The following SLC38A9 variants were observed in gnomAD, a reference collection of about 807,000 sequenced individuals.
The protein encoded by SLC38A9 is neutral amino acid transporter 9.
A neutral mutation model predicts 62.3 loss-of-function variants in SLC38A9; 48 were observed. That is an observed-to-expected ratio of 0.77 (90% CI 0.61 to 0.98). The LOEUF (loss-of-function observed/expected upper bound fraction) is 0.98, where lower values mean the gene tolerates loss of function less well. Among genes scored for constraint, SLC38A9 ranks in the 50% least tolerant of loss-of-function variants. SLC38A9 has a pLI of 0.00. For missense variants in SLC38A9, 541 were observed against 679.8 expected, an observed-to-expected ratio of 0.80 and a Z score of 2.27; for synonymous variants, 204 against 227.7, an observed-to-expected ratio of 0.90 and a Z score of 0.94.
chr5:55,710,969 T>C lies in SLC38A9; in HGVS notation c.-35+483A>G, dbSNP rs542661895. ...TCAGCAGCTGCCTATCCTACATATG[T>C]CAGATCTTTGTCATGTCTGAAGGTA... On this transcript the variant is annotated intron_variant, in intron 2 of 15. Transcript: ENST00000396865. 5.3e-5 allele frequency among the ~76,000 whole-genome samples: 8 copies of C among 151,750 alleles called. No homozygotes were observed. The South Asian group carries it at 1.7e-3, about 32-fold the overall frequency.
intron 3 of SLC38A9, among the ~76,000 whole-genome samples, chr5:55,674,685 A>T (rs1751840790): frequency 6.6e-6 from 1 of 152,254 alleles, no homozygotes; most frequent in East Asian, 1.9e-4. Flanking sequence ...GAATAAAAGG[A>T]ACTAAGACAA....
At chr5:55,656,375 G>C (rs1445812577) in intron 9 of SLC38A9, among the ~76,000 whole-genome samples, 2 of 151,228 alleles carry the variant, frequency 1.3e-5, no homozygotes, top group East Asian at 3.9e-4. Flanking sequence ...TGAGAACTAT[G>C]CTTCTAGACA....
intron 14 of SLC38A9, among the ~76,000 whole-genome samples, chr5:55,631,803 C>T (rs1743503231): frequency 6.6e-6 from 1 of 151,960 alleles, no homozygotes; most frequent in African/African-American, 2.4e-5. Flanking sequence ...AGTTATCTTT[C>T]TTTAAAAGAA....
intron 3 of SLC38A9, among the ~76,000 whole-genome samples, chr5:55,692,208 C>T (rs1379483141): frequency 6.6e-6 from 1 of 152,122 alleles, no homozygotes; most frequent in South Asian, 2.1e-4. Context: ...TCAAATCCAT[C>T]GTTTTACAAA....
At chr5:55,691,824 C>A (rs966757199) in intron 3 of SLC38A9, among the ~76,000 whole-genome samples, 1 of 152,114 alleles carries the variant, frequency 6.6e-6, no homozygotes, top group Admixed American at 6.5e-5. Flanking sequence ...AAAAAGTAGG[C>A]CTGCATAGTT....
At chr5:55,672,900 T>C in intron 3 of SLC38A9, 1 of 426,476 alleles carries the variant, frequency 2.3e-6, no homozygotes, top group Non-Finnish European at 4.0e-6. Context: ...CATAACACTT[T>C]TACTTTAAGC....
intron 8 of SLC38A9, among the ~76,000 whole-genome samples, chr5:55,663,625 C>T (rs958865312): frequency 1.3e-5 from 2 of 151,912 alleles, no homozygotes; most frequent in South Asian, 2.1e-4. Flanking sequence ...CCCAGCTACT[C>T]GGAAGGCCGA....
intron 12 of SLC38A9, among the ~76,000 whole-genome samples, chr5:55,640,081 G>T (rs1013194994): frequency 1.3e-5 from 2 of 150,904 alleles, no homozygotes; most frequent in Non-Finnish European, 2.9e-5. Flanking sequence ...TGCCTCCTGG[G>T]TTCAAGTGAT....
At chr5:55,688,171 G>T (rs535737603) in intron 3 of SLC38A9, among the ~76,000 whole-genome samples, 1 of 152,108 alleles carries the variant, frequency 6.6e-6, no homozygotes, top group South Asian at 2.1e-4. Flanking sequence ...AGACGATACA[G>T]TTTTTTAGAT....
chr5:55,677,411 T>G (rs927531998), intron 3 of SLC38A9, among the ~76,000 whole-genome samples: 5 of 152,210 alleles, frequency 3.3e-5, no homozygotes, highest in Non-Finnish European at 7.3e-5. Flanking sequence ...AAATGACACC[T>G]CTCAAGTAAT....
intron 2 of SLC38A9, among the ~76,000 whole-genome samples, chr5:55,701,966 A>G (rs563736403): frequency 6.6e-6 from 1 of 152,192 alleles, no homozygotes; most frequent in East Asian, 1.9e-4. Flanking sequence ...TGTATCTTTC[A>G]CTTTCTTCTG....
At chr5:55,698,992 G>A (rs1235338284) in intron 2 of SLC38A9, among the ~76,000 whole-genome samples, 1 of 151,966 alleles carries the variant, frequency 6.6e-6, no homozygotes, top group African/African-American at 2.4e-5. Context: ...GGTGGCTCAC[G>A]TCTATAATCT....
chr5:55,709,860 A>G (rs751488456), intron 2 of SLC38A9, among the ~76,000 whole-genome samples: 1 of 151,920 alleles, frequency 6.6e-6, no homozygotes, highest in Non-Finnish European at 1.5e-5. Flanking sequence ...AGGTCAGGAG[A>G]TCAAGACCAT....
chr5:55,644,655 C>T (rs959730538), intron 12 of SLC38A9, among the ~76,000 whole-genome samples: 2 of 152,020 alleles, frequency 1.3e-5, no homozygotes, highest in African/African-American at 4.8e-5. Context: ...CTCTTGACCT[C>T]GTGTCCACCC....
At chr5:55,687,568 G>A (rs1258120955) in intron 3 of SLC38A9, among the ~76,000 whole-genome samples, 1 of 152,138 alleles carries the variant, frequency 6.6e-6, no homozygotes, top group East Asian at 1.9e-4. Context: ...CTATCTATGA[G>A]CATATGAATG....
intron 3 of SLC38A9, among the ~76,000 whole-genome samples, chr5:55,680,224 T>TAG (rs201256489): frequency 7.0e-6 from 1 of 143,364 alleles, no homozygotes; most frequent in African/African-American, 2.6e-5. Flanking sequence ...TCTATATATA[T>TAG]ATAGAGAGAG....
At chr5:55,672,883 T>G in intron 3 of SLC38A9, 188 bp from the exon 4 acceptor site, 1 of 497,198 alleles carries the variant, frequency 2.0e-6, no homozygotes, top group Non-Finnish European at 3.4e-6. Flanking sequence ...GAATAAAGCT[T>G]TTGTCTCATA....
chr5:55,678,138 G>GTTTTTTTTT (rs769465008), intron 3 of SLC38A9, among the ~76,000 whole-genome samples: 1 of 129,440 alleles, frequency 7.7e-6, no homozygotes, highest in Non-Finnish European at 1.6e-5. Context: ...AAGGTTACTG[G>GTTTTTTTTT]TTTTTTTTTC....
rs542308620 is a variant in SLC38A9, at chr5:55,645,004, G to A, written c.1167+785C>T. Among the ~76,000 whole-genome samples, 8 of 152,146 alleles carry A rather than the reference G, an allele frequency of 5.3e-5. No homozygotes were observed. In the South Asian group the frequency reaches 1.5e-3, roughly 28 times the overall value. On this transcript the variant is annotated intron_variant, in intron 12 of 15. Transcript: ENST00000396865. ...GTCCTTGCGATAGTTTACTGAGAAC[G>A]GTGATTTCCAATTTCATCCATGTCC...
Sources: gnomAD v4.1 joint callset for allele counts (sites outside exome capture counted in the v4.1 genomes callset) on GRCh38, gnomAD v4.1.1 for gene constraint, MANE v1.5 for transcripts, NCBI Gene and HGNC (gene_info 2026-07-23, HGNC 2026-07-21) for gene names.